Variants in KCNH8 observed in about 807,000 individuals in gnomAD.
KCNH8 encodes the protein voltage-gated delayed rectifier potassium channel KCNH8.
KCNH8 carries 70 observed loss-of-function variants against 103.6 expected under a neutral mutation model. The observed-to-expected ratio is 0.68, with a 90% CI of 0.56 to 0.82. The LOEUF is 0.82. Among genes scored for constraint, KCNH8 ranks in the 40% least tolerant of loss-of-function variants. KCNH8 has a pLI of 0.00. For missense variants in KCNH8, 1,217 were observed against 1,329.9 expected (o/e 0.92, Z 1.32); for synonymous variants, 498 against 489.4 (o/e 1.02, Z -0.23).
At chr3:19,330,715 A>G (rs1414298353) in intron 3 of KCNH8, among the ~76,000 whole-genome samples, 1 of 152,206 alleles carries the variant, frequency 6.6e-6, no homozygotes, top group Admixed American at 6.5e-5. Flanking sequence ...TTGGTATCAT[A>G]TAGTACAAAC....
chr3:19,451,224 T>G lies in KCNH8; in HGVS notation c.1645T>G (p.Leu549Val). 6.2e-7 allele frequency: 1 copy of G among 1,613,826 alleles called. No individual in the cohort carries two copies. Among genetic ancestry groups the G allele is most frequent in the Non-Finnish European group, 8.5e-7 (1 of 1,179,754 alleles). The change falls in exon 10 of 16, where the codon TTG (leucine) becomes GTG (valine). Residue 549 changes from leucine to valine, a missense_variant. By Grantham distance (32) the Leu-to-Val change is conservative. Coordinates refer to ENST00000328405, the MANE Select transcript of KCNH8 (RefSeq NM_144633.3). ...GCACTTGAACAAGGAGATCTTACAG[T>G]TGTCCCTTTTTGAATGTGCCAGCCG... ...TMHLNKEILQ[L>V]SLFECASRGC...
intron 2 of KCNH8, among the ~76,000 whole-genome samples, chr3:19,261,706 A>T (rs74422759): frequency 0.017 from 2,615 of 151,796 alleles, 60 homozygotes; most frequent in African/African-American, 0.057. Flanking sequence ...TTCCTCCCCT[A>T]TATTTTCTGC....
intron 3 of KCNH8, among the ~76,000 whole-genome samples, chr3:19,340,428 A>G (rs2065645907): frequency 6.6e-6 from 1 of 150,398 alleles, no homozygotes; most frequent in Non-Finnish European, 1.5e-5. Flanking sequence ...TTACATATGT[A>G]TACATGTGCC....
intron 11 of KCNH8, among the ~76,000 whole-genome samples, chr3:19,469,482 C>T (rs752160216): frequency 5.9e-5 from 9 of 152,066 alleles, no homozygotes; most frequent in Non-Finnish European, 1.2e-4. Context: ...CAGCATCACC[C>T]GGGCTGGAAT....
intron 8 of KCNH8, among the ~76,000 whole-genome samples, chr3:19,441,246 T>G (rs1275619523): frequency 6.6e-6 from 1 of 152,180 alleles, no homozygotes; most frequent in Non-Finnish European, 1.5e-5. Context: ...GCTCTGTGTT[T>G]CTATGTTCTG....
intron 15 of KCNH8, among the ~76,000 whole-genome samples, chr3:19,523,073 CGTT>C (rs1242386830): frequency 6.6e-6 from 1 of 151,768 alleles, no homozygotes; most frequent in East Asian, 1.9e-4. Context: ...CACATTAGCA[CGTT>C]GTTAACTTTA....
intron 5 of KCNH8, among the ~76,000 whole-genome samples, chr3:19,369,281 CT>C (rs2066054755): frequency 1.3e-5 from 2 of 151,910 alleles, no homozygotes; most frequent in Non-Finnish European, 2.9e-5. Flanking sequence ...GACTAGACCT[CT>C]TTCCATATTT....
chr3:19,401,667 T>C (rs1474952139), intron 7 of KCNH8, among the ~76,000 whole-genome samples: 2 of 151,992 alleles, frequency 1.3e-5, no homozygotes, highest in African/African-American at 4.8e-5. Context: ...AAAGACTCAA[T>C]TTTTTTATAT....
intron 5 of KCNH8, among the ~76,000 whole-genome samples, chr3:19,375,924 C>G (rs569079070): frequency 3.3e-5 from 5 of 152,310 alleles, no homozygotes; most frequent in South Asian, 2.1e-4. Flanking sequence ...GCTCGGGGGT[C>G]AGGGACCCAC....
At chr3:19,465,544 T>C (rs183284977) in intron 11 of KCNH8, among the ~76,000 whole-genome samples, 56 of 152,214 alleles carry the variant, frequency 3.7e-4, no homozygotes, top group Admixed American at 3.5e-3. Flanking sequence ...CTGTAGCCCA[T>C]AGATGAGGTG....
chr3:19,521,273 AAG>A (rs1455069706), intron 15 of KCNH8, among the ~76,000 whole-genome samples: 2 of 152,044 alleles, frequency 1.3e-5, no homozygotes, highest in Non-Finnish European at 2.9e-5. Context: ...CTATGGAAGA[AAG>A]AGAATTCACT....
At chr3:19,450,504 C>T (rs117386896) in intron 9 of KCNH8, 199 bp downstream of exon 9, 162 of 575,118 alleles carry the variant, frequency 2.8e-4, no homozygotes, top group Middle Eastern at 4.6e-4. Context: ...TTGGATTGAC[C>T]GAAGTTTTAT....
intron 3 of KCNH8, among the ~76,000 whole-genome samples, chr3:19,337,390 A>G (rs1187342318): frequency 6.6e-6 from 1 of 152,072 alleles, no homozygotes; most frequent in Non-Finnish European, 1.5e-5. Context: ...GAGTCTAATC[A>G]TAACTTTAAT....
chr3:19,334,786 T>C (rs941533756), intron 3 of KCNH8, among the ~76,000 whole-genome samples: 18 of 151,652 alleles, frequency 1.2e-4, no homozygotes, highest in African/African-American at 4.3e-4. Flanking sequence ...GATGGTATTA[T>C]GAAAGAGATT....
At chr3:19,322,350 C>T (rs1204105832) in intron 3 of KCNH8, among the ~76,000 whole-genome samples, 1 of 152,028 alleles carries the variant, frequency 6.6e-6, no homozygotes, top group African/African-American at 2.4e-5. Context: ...AAATTTAAAG[C>T]TCCTTTTAGG....
At chr3:19,295,648 C>G (rs895733371) in intron 3 of KCNH8, among the ~76,000 whole-genome samples, 2 of 152,126 alleles carry the variant, frequency 1.3e-5, no homozygotes, top group African/African-American at 4.8e-5. Context: ...GGTAACTTTT[C>G]TTTGACCTGC....
At chr3:19,476,318 C>T (rs1246639947) in intron 11 of KCNH8, among the ~76,000 whole-genome samples, 1 of 152,158 alleles carries the variant, frequency 6.6e-6, no homozygotes, top group Non-Finnish European at 1.5e-5. Context: ...CAATGGGCTT[C>T]CTAGGCAGCA....
chr3:19,499,268 C>G (rs928575880), intron 11 of KCNH8, among the ~76,000 whole-genome samples: 7 of 152,158 alleles, frequency 4.6e-5, no homozygotes, highest in Non-Finnish European at 1.0e-4. Context: ...CGAGCAAAGC[C>G]TCCAAGAAAT....
At chr3:19,420,410 T>C (rs2066933274) in intron 7 of KCNH8, among the ~76,000 whole-genome samples, 1 of 152,180 alleles carries the variant, frequency 6.6e-6, no homozygotes, top group Non-Finnish European at 1.5e-5. Context: ...TAGCCTGAAA[T>C]GGAATTCTGT....
Sources: gnomAD v4.1 joint callset for allele counts (sites outside exome capture counted in the v4.1 genomes callset) on GRCh38, gnomAD v4.1.1 for gene constraint, MANE v1.5 for transcripts, NCBI Gene and HGNC (gene_info 2026-07-23, HGNC 2026-07-21) for gene names.